RALGAPA2: variants seen among roughly 807,000 people sequenced by gnomAD.
The protein encoded by RALGAPA2 is ral GTPase-activating protein subunit alpha-2.
In RALGAPA2, 139 loss-of-function variants were observed where a neutral mutation model predicts 230.4. That is an observed-to-expected ratio of 0.60 (90% CI 0.53 to 0.69). The LOEUF (loss-of-function observed/expected upper bound fraction) is 0.69, where lower values mean the gene tolerates loss of function less well. Among genes scored for constraint, RALGAPA2 ranks in the 30% least tolerant of loss-of-function variants. RALGAPA2 has a pLI of 0.00. For synonymous variants in RALGAPA2, 847 were observed against 837.8 expected (o/e 1.01, Z -0.19); for missense variants, 2,163 against 2,276.0 (o/e 0.95, Z 1.01).
chr20:20,603,173 G>A (rs746421772), intron 15 of RALGAPA2, among the ~76,000 whole-genome samples: 54 of 152,226 alleles, frequency 3.5e-4, no homozygotes, highest in Middle Eastern at 3.4e-3. Context: ...ACCTTCAACC[G>A]GGAAGAAAAA....
Position 20,669,549 on chromosome 20 carries a change from C to G in RALGAPA2, c.270+6687G>C, listed in dbSNP as rs2068066722. Among the ~76,000 whole-genome samples, 8 of 152,198 alleles carry G rather than the reference C, an allele frequency of 5.3e-5. No individual in the cohort carries two copies. In the South Asian group the frequency reaches 1.7e-3, roughly 32 times the overall value. On this transcript the variant is annotated intron_variant, in intron 3 of 39. Coordinates refer to ENST00000202677, the MANE Select transcript of RALGAPA2 (RefSeq NM_020343.4). Reference sequence around the variant, plus strand: ...AGGTGCTGGACAACCAGGAGCTACCCCTACAGCCCTGTCAGCTGAAATTAT... The same window carrying G: ...AGGTGCTGGACAACCAGGAGCTACCGCTACAGCCCTGTCAGCTGAAATTAT...
At chr20:20,394,813 C>T (rs1311477259) in intron 39 of RALGAPA2, among the ~76,000 whole-genome samples, 1 of 130,384 alleles carries the variant, frequency 7.7e-6, no homozygotes, top group Admixed American at 9.5e-5. Flanking sequence ...CATGGGAGAA[C>T]AGACTTGATT....
intron 13 of RALGAPA2, among the ~76,000 whole-genome samples, chr20:20,615,255 G>A (rs1384992070): frequency 1.3e-5 from 2 of 151,792 alleles, no homozygotes; most frequent in African/African-American, 4.8e-5. Context: ...CCGCCTTCCG[G>A]GTTCAAGCGA....
intron 37 of RALGAPA2, among the ~76,000 whole-genome samples, chr20:20,418,026 G>C (rs1310481866): frequency 6.6e-6 from 1 of 152,168 alleles, no homozygotes. Flanking sequence ...AGAAGAGACT[G>C]GTACATCTGA....
At chr20:20,487,998 A>G (rs1401271297) in intron 36 of RALGAPA2, among the ~76,000 whole-genome samples, 1 of 152,084 alleles carries the variant, frequency 6.6e-6, no homozygotes, top group Admixed American at 6.6e-5. Context: ...TAGGTATATG[A>G]GGGGGACTGG....
rs2295570 is a variant in RALGAPA2, at chr20:20,526,151, T to C, written c.3693+101A>G. The stretch of plus-strand genomic sequence containing the variant: ...CGAGTGACTTGTGGCAATTTAATAG[T>C]TGGTTCTCTAACAATTATTTGAATA... On this transcript the variant is annotated intron_variant, in intron 28 of 39. Coordinates refer to ENST00000202677, the MANE Select transcript of RALGAPA2 (RefSeq NM_020343.4). 3.0e-3 allele frequency: 2,769 copies of C among 926,660 alleles called. 84 individuals are homozygous for C. In the East Asian group the frequency reaches 0.069, roughly 23 times the overall value. The allele number at this position is 926,660 out of a possible 1,614,324, so 57.4% of individuals were successfully genotyped here.
At chr20:20,584,753 C>A in intron 19 of RALGAPA2, 112 bp downstream of exon 19, 3 of 844,104 alleles carry the variant, frequency 3.6e-6, no homozygotes, top group Non-Finnish European at 5.3e-6. Context: ...AGCACTCCAG[C>A]CTGGGCGAAA....
intron 27 of RALGAPA2, among the ~76,000 whole-genome samples, chr20:20,527,606 A>ACCCCCCCCCCCCCCCCC (rs1261908337): frequency 6.8e-6 from 1 of 146,624 alleles, no homozygotes; most frequent in Non-Finnish European, 1.5e-5. Context: ...CTCCCCCCAC[A>ACCCCCCCCCCCCCCCCC]CCCCCAAGAG....
chr20:20,699,937 C>T (rs1027696525), intron 1 of RALGAPA2, among the ~76,000 whole-genome samples: 1 of 152,088 alleles, frequency 6.6e-6, no homozygotes, highest in East Asian at 1.9e-4. Flanking sequence ...CCATTTGACC[C>T]AGCAATTCCA....
chr20:20,521,111 A>G lies in RALGAPA2; in HGVS notation c.3901-11T>C. ...ACAGCAGTGCAAAACCTGTGAAAAC[A>G]GAGGCCATGTGCACCACGGATGCTA... On this transcript the variant is annotated splice_polypyrimidine_tract_variant and intron_variant, in intron 30 of 39. Coordinates refer to ENST00000202677, the MANE Select transcript of RALGAPA2 (RefSeq NM_020343.4). 4 of 1,593,314 alleles carry G rather than the reference A, an allele frequency of 2.5e-6. No homozygotes were observed. The highest frequency in any genetic ancestry group is 3.4e-6 in the Non-Finnish European group (4 of 1,164,850).
At chr20:20,411,823 T>C (rs2060066495) in intron 38 of RALGAPA2, among the ~76,000 whole-genome samples, 2 of 152,208 alleles carry the variant, frequency 1.3e-5, no homozygotes, top group Admixed American at 6.5e-5. Flanking sequence ...GTTAACAGGA[T>C]AGCTGAAGAA....
chr20:20,626,479 A>T (rs1304551080), intron 10 of RALGAPA2, among the ~76,000 whole-genome samples: 1 of 152,254 alleles, frequency 6.6e-6, no homozygotes, highest in Non-Finnish European at 1.5e-5. Flanking sequence ...CACCTCAATG[A>T]TCAAAACTAC....
chr20:20,531,863 A>C lies in RALGAPA2; in HGVS notation c.3474-68T>G, dbSNP rs552355446. 1.7e-4 allele frequency: 194 copies of C among 1,156,794 alleles called. 4 individuals carry two copies. The South Asian group carries it at 2.5e-3, about 15-fold the overall frequency. 71.7% of individuals were successfully genotyped at this position (1,156,794 alleles called of 1,614,324 possible). A position where few individuals can be genotyped will look rare whatever the true frequency, so the allele number is the denominator to read the frequency against. On this transcript the variant is annotated intron_variant, in intron 26 of 39. Coordinates refer to ENST00000202677, the MANE Select transcript of RALGAPA2 (RefSeq NM_020343.4). Reference sequence around the variant, plus strand: ...TAATATACTTTCTCAGTATTTTCAAATAACAAAACACTTTAAATCTATTTA... The same window carrying C: ...TAATATACTTTCTCAGTATTTTCAACTAACAAAACACTTTAAATCTATTTA...
intron 9 of RALGAPA2, among the ~76,000 whole-genome samples, chr20:20,629,868 T>A (rs1324697661): frequency 6.6e-6 from 1 of 152,248 alleles, no homozygotes; most frequent in Non-Finnish European, 1.5e-5. Flanking sequence ...TCTAAAAGGT[T>A]TAATTTGCAT....
intron 17 of RALGAPA2, 89 bp from the exon 18 acceptor site, chr20:20,589,454 T>C (rs1219810464): frequency 2.3e-6 from 3 of 1,307,748 alleles, no homozygotes; most frequent in Non-Finnish European, 3.2e-6. Context: ...TAGGTAACTA[T>C]TAAATTTAAA....
intron 23 of RALGAPA2, among the ~76,000 whole-genome samples, chr20:20,565,215 A>G (rs926930779): frequency 6.6e-6 from 1 of 152,202 alleles, no homozygotes; most frequent in African/African-American, 2.4e-5. Flanking sequence ...CTAATTCTTT[A>G]CCTTTCCTGG....
intron 31 of RALGAPA2, among the ~76,000 whole-genome samples, chr20:20,514,893 C>T (rs2062822345): frequency 6.6e-6 from 1 of 152,230 alleles, no homozygotes; most frequent in South Asian, 2.1e-4. Context: ...TTAGGTGCCC[C>T]TCTGCCTGTG....
At chr20:20,601,611 C>A (rs1042337711) in intron 16 of RALGAPA2, 71 bp downstream of exon 16, 50 of 1,451,552 alleles carry the variant, frequency 3.4e-5, no homozygotes, top group Non-Finnish European at 2.0e-5. Context: ...GAATTTTTAA[C>A]ACACTTTATG....
chr20:20,514,756 G>T (rs1317486607), intron 31 of RALGAPA2, among the ~76,000 whole-genome samples: 2 of 152,072 alleles, frequency 1.3e-5, no homozygotes, highest in South Asian at 2.1e-4. Context: ...GCTGATCTGG[G>T]TTACCAGCCT....
Sources: gnomAD v4.1 joint callset for allele counts (sites outside exome capture counted in the v4.1 genomes callset) on GRCh38, gnomAD v4.1.1 for gene constraint, MANE v1.5 for transcripts, NCBI Gene and HGNC (gene_info 2026-07-23, HGNC 2026-07-21) for gene names.